DSCAM: variants seen among roughly 807,000 people sequenced by gnomAD.
The protein encoded by DSCAM is DS cell adhesion molecule.
A neutral mutation model predicts 217.7 loss-of-function variants in DSCAM; 47 were observed. That is an observed-to-expected ratio of 0.22 (90% CI 0.17 to 0.28). The LOEUF is 0.28. Among genes scored for constraint, DSCAM ranks in the 10% least tolerant of loss-of-function variants. The pLI is 1.00. For synonymous variants in DSCAM, 1,056 were observed against 1,015.3 expected (o/e 1.04, Z -0.76); for missense variants, 2,080 against 2,618.3 (o/e 0.79, Z 4.49).
chr21:40,143,306 G>A (rs969753820), intron 17 of DSCAM, among the ~76,000 whole-genome samples: 7 of 152,132 alleles, frequency 4.6e-5, no homozygotes, highest in South Asian at 2.1e-4. Context: ...GCGCTGGGGC[G>A]GTGCAAAATA....
intron 32 of DSCAM, among the ~76,000 whole-genome samples, chr21:40,035,856 G>T (rs1327410290): frequency 6.8e-6 from 1 of 146,130 alleles, no homozygotes; most frequent in East Asian, 2.0e-4. Flanking sequence ...TCAGGATTAA[G>T]AATCTCACTC....
intron 3 of DSCAM, among the ~76,000 whole-genome samples, chr21:40,658,990 C>A (rs1276006993): frequency 1.3e-5 from 2 of 152,132 alleles, no homozygotes; most frequent in South Asian, 2.1e-4. Flanking sequence ...CGTCTTCAAG[C>A]CCCTGCGGTA....
At chr21:40,207,028 G>A (rs1336603503) in intron 11 of DSCAM, among the ~76,000 whole-genome samples, 3 of 152,212 alleles carry the variant, frequency 2.0e-5, no homozygotes, top group Non-Finnish European at 4.4e-5. Context: ...GTGCTTAGCA[G>A]ATTTGACAAT....
intron 1 of DSCAM, among the ~76,000 whole-genome samples, chr21:40,710,728 T>G (rs1214797145): frequency 4.6e-5 from 7 of 152,226 alleles, no homozygotes; most frequent in Non-Finnish European, 1.0e-4. Context: ...AATTTACAAG[T>G]TAAATAAAAG....
At chr21:40,459,344 T>C (rs76225302) in intron 3 of DSCAM, among the ~76,000 whole-genome samples, 11,093 of 152,036 alleles carry the variant, frequency 0.073, 793 homozygotes, top group African/African-American at 0.18. Context: ...ACTGTGCATA[T>C]TAAAAAAGAA....
At chr21:40,463,886 G>A (rs879139641) in intron 3 of DSCAM, among the ~76,000 whole-genome samples, 4 of 152,124 alleles carry the variant, frequency 2.6e-5, no homozygotes, top group Admixed American at 1.3e-4. Flanking sequence ...CACCTCTGAA[G>A]GTGAGCACCT....
At chr21:40,763,063 ATTCAAC>A (rs2091351569) in intron 1 of DSCAM, among the ~76,000 whole-genome samples, 1 of 152,176 alleles carries the variant, frequency 6.6e-6, no homozygotes, top group Non-Finnish European at 1.5e-5. Context: ...CACCACTGCT[ATTCAAC>A]ATAGCATTGG....
At chr21:40,485,822 A>G (rs1277535091) in intron 3 of DSCAM, among the ~76,000 whole-genome samples, 1 of 152,134 alleles carries the variant, frequency 6.6e-6, no homozygotes, top group African/African-American at 2.4e-5. Flanking sequence ...ATATACACAC[A>G]TATATACATA....
At chr21:40,057,413 A>G (rs2089043094) in intron 28 of DSCAM, among the ~76,000 whole-genome samples, 1 of 152,208 alleles carries the variant, frequency 6.6e-6, no homozygotes, top group Admixed American at 6.5e-5. Context: ...CCACAAAAAC[A>G]TATGGGGAAC....
intron 3 of DSCAM, among the ~76,000 whole-genome samples, chr21:40,390,591 A>G (rs991468449): frequency 1.3e-5 from 2 of 152,110 alleles, no homozygotes; most frequent in African/African-American, 4.8e-5. Flanking sequence ...CAGCAGTATT[A>G]TTGGCAGGTC....
At chr21:40,168,095 C>G (rs1288400355) in intron 15 of DSCAM, among the ~76,000 whole-genome samples, 1 of 152,100 alleles carries the variant, frequency 6.6e-6, no homozygotes, top group Non-Finnish European at 1.5e-5. Context: ...CAAAAAAACC[C>G]TTGTGAACCA....
At chr21:40,281,784 T>C (rs148312005) in intron 10 of DSCAM, among the ~76,000 whole-genome samples, 1 of 152,348 alleles carries the variant, frequency 6.6e-6, no homozygotes, top group Non-Finnish European at 1.5e-5. Flanking sequence ...TGGCCATCTG[T>C]ATTTGTTCTT....
rs79072366 is a variant in DSCAM at position 40,017,325 on chromosome 21, G to A, written c.5687-3939C>T. Among the ~76,000 whole-genome samples, 781 of 152,012 alleles carry A rather than the reference G, an allele frequency of 5.1e-3. 9 individuals carry two copies. Among genetic ancestry groups the A allele is most frequent in the African/African-American group, 0.018 (746 of 41,460 alleles). On this transcript the variant is annotated intron_variant, in intron 32 of 32. Transcript: ENST00000400454. The stretch of plus-strand genomic sequence containing the variant: ...TGTTATTACATTGTTGCACCACTTG[G>A]GATTTATGATTCAAAACTCCATTTA...
At chr21:40,686,201 C>T (rs892493277) in intron 3 of DSCAM, among the ~76,000 whole-genome samples, 3 of 147,834 alleles carry the variant, frequency 2.0e-5, no homozygotes, top group South Asian at 2.2e-4. Flanking sequence ...CCACATAGCA[C>T]GTACTCCACA....
At chr21:40,491,453 C>G (rs2076075546) in intron 3 of DSCAM, among the ~76,000 whole-genome samples, 1 of 152,022 alleles carries the variant, frequency 6.6e-6, no homozygotes, top group Non-Finnish European at 1.5e-5. Flanking sequence ...CACGCCACCC[C>G]CACCCTCCAG....
chr21:40,423,614 G>A (rs2075445374), intron 3 of DSCAM, among the ~76,000 whole-genome samples: 1 of 152,156 alleles, frequency 6.6e-6, no homozygotes, highest in Non-Finnish European at 1.5e-5. Context: ...CTGTTCTAAA[G>A]CTGTCTAAAA....
intron 4 of DSCAM, among the ~76,000 whole-genome samples, chr21:40,364,099 A>C (rs950505024): frequency 3.3e-4 from 51 of 152,296 alleles, no homozygotes; most frequent in African/African-American, 1.0e-3. Context: ...ACTAGTTCAA[A>C]CATTGTGAAA....
At chr21:40,769,281 C>A (rs573087259) in intron 1 of DSCAM, among the ~76,000 whole-genome samples, 1 of 152,362 alleles carries the variant, frequency 6.6e-6, no homozygotes, top group South Asian at 2.1e-4. Context: ...AAAGATGGTG[C>A]AGCACAGAAA....
chr21:40,445,359 T>C (rs2075666223), intron 3 of DSCAM, among the ~76,000 whole-genome samples: 1 of 152,226 alleles, frequency 6.6e-6, no homozygotes, highest in Admixed American at 6.5e-5. Flanking sequence ...ACATTGGTTC[T>C]GTTCTGTTGG....
Sources: allele counts gnomAD v4.1 joint callset (sites outside exome capture counted in the v4.1 genomes callset), GRCh38; gene constraint gnomAD v4.1.1; transcripts MANE v1.5; gene names NCBI Gene and HGNC (gene_info 2026-07-23, HGNC 2026-07-21).